The following FAM193A variants were observed in gnomAD, a reference collection of about 807,000 sequenced individuals.
The protein encoded by FAM193A is protein FAM193A.
Under a neutral mutation model 126.5 loss-of-function variants are expected in FAM193A, and 22 were observed. The ratio of observed to expected loss-of-function variants is 0.17; its 90% CI spans 0.12 to 0.25. FAM193A has a LOEUF of 0.25. Ranked by LOEUF, FAM193A falls within the 10% of genes least tolerant of loss-of-function variation. FAM193A has a pLI of 1.00. For missense variants in FAM193A, 1,675 were observed against 1,672.8 expected, an observed-to-expected ratio of 1.00 and a Z score of -0.02; for synonymous variants, 761 against 646.8, an observed-to-expected ratio of 1.18 and a Z score of -2.68.
At chr4:2,560,019 T>A (rs907079781) in intron 1 of FAM193A, among the ~76,000 whole-genome samples, 1 of 151,704 alleles carries the variant, frequency 6.6e-6, no homozygotes, top group Admixed American at 6.6e-5. Flanking sequence ...AGTGCAGTGG[T>A]GCGATCTTGG....
intron 19 of FAM193A, among the ~76,000 whole-genome samples, chr4:2,701,007 T>A (rs1717668926): frequency 6.6e-6 from 1 of 151,898 alleles, no homozygotes; most frequent in Non-Finnish European, 1.5e-5. Context: ...CCCCTCCAGT[T>A]CCCCAACTTT....
chr4:2,697,460 A>C (rs1476916289), intron 18 of FAM193A, among the ~76,000 whole-genome samples: 1 of 152,238 alleles, frequency 6.6e-6, no homozygotes, highest in Admixed American at 6.5e-5. Flanking sequence ...GTCAGGCTCC[A>C]AGAACCAGAC....
intron 1 of FAM193A, among the ~76,000 whole-genome samples, chr4:2,571,703 C>CTA (rs1293023984): frequency 1.3e-5 from 2 of 151,774 alleles, no homozygotes; most frequent in Non-Finnish European, 2.9e-5. Flanking sequence ...CCAAGCCCAG[C>CTA]TAATTTTTGT....
chr4:2,666,965 A>C (rs969284430), intron 12 of FAM193A, among the ~76,000 whole-genome samples: 6 of 152,040 alleles, frequency 3.9e-5, no homozygotes, highest in Non-Finnish European at 5.9e-5. Flanking sequence ...GAAATTGATT[A>C]TTTCTTTCTA....
intron 1 of FAM193A, among the ~76,000 whole-genome samples, chr4:2,556,559 A>C (rs2108831352): frequency 6.6e-6 from 1 of 152,290 alleles, no homozygotes; most frequent in Admixed American, 6.5e-5. Flanking sequence ...GTGTGCACCC[A>C]CAGTTCTAGC....
At chr4:2,623,454 G>A (rs1742675238) in intron 2 of FAM193A, among the ~76,000 whole-genome samples, 1 of 152,178 alleles carries the variant, frequency 6.6e-6, no homozygotes, top group Admixed American at 6.5e-5. Context: ...ACAGGCGTGA[G>A]CCACCGCGCC....
chr4:2,691,403 G>A (rs570141280), intron 15 of FAM193A, among the ~76,000 whole-genome samples: 1 of 152,270 alleles, frequency 6.6e-6, no homozygotes, highest in East Asian at 1.9e-4. Context: ...TTTTGGTAGA[G>A]ACGGGGTTTC....
intron 19 of FAM193A, among the ~76,000 whole-genome samples, chr4:2,703,239 T>C (rs1001102081): frequency 2.0e-5 from 3 of 152,140 alleles, no homozygotes; most frequent in African/African-American, 7.2e-5. Context: ...TCTAATGCTT[T>C]GGTTTTTTGT....
intron 13 of FAM193A, among the ~76,000 whole-genome samples, chr4:2,672,702 T>A (rs1307593399): frequency 2.0e-5 from 3 of 152,234 alleles, no homozygotes; most frequent in African/African-American, 4.8e-5. Flanking sequence ...ACTTGTGATC[T>A]TCCAGGGCTT....
intron 2 of FAM193A, among the ~76,000 whole-genome samples, chr4:2,597,890 C>G (rs1055357968): frequency 1.3e-5 from 2 of 152,112 alleles, no homozygotes; most frequent in Non-Finnish European, 2.9e-5. Flanking sequence ...CCGTCCTAGC[C>G]TCTGGTAACC....
Position 2,557,605 on chromosome 4 carries a change from A to G in FAM193A, c.255+20435A>G, listed in dbSNP as rs549445175. 6.6e-5 allele frequency among the ~76,000 whole-genome samples: 10 copies of G among 152,284 alleles called. No homozygotes were observed. In the South Asian group the frequency reaches 1.4e-3, roughly 22 times the overall value. The stretch of plus-strand genomic sequence containing the variant: ...AAGGATTCCTGAGAAGCTAATTAAT[A>G]TTCAGATTTATAGTATGGTAGTAAT... On this transcript the variant is annotated intron_variant, in intron 1 of 20. Transcript: ENST00000637812.
At chr4:2,719,032 A>C (rs1719835032) in intron 20 of FAM193A, among the ~76,000 whole-genome samples, 1 of 152,222 alleles carries the variant, frequency 6.6e-6, no homozygotes, top group African/African-American at 2.4e-5. Flanking sequence ...TCTACCAGTG[A>C]ATTTAAATGA....
Position 2,732,026 on chromosome 4 carries a change from C to T in FAM193A, c.*158C>T, listed in dbSNP as rs980400296. 84 of 668,694 alleles carry T rather than the reference C, an allele frequency of 1.3e-4. No individual in the cohort carries two copies. Among genetic ancestry groups the T allele is most frequent in the East Asian group, 5.0e-5 (2 of 39,904 alleles). The allele number at this position is 668,694 out of a possible 1,614,324, so 41.4% of individuals were successfully genotyped here. A position where few individuals can be genotyped will look rare whatever the true frequency, so the allele number is the denominator to read the frequency against. ...CCAGACCGAGAAGTTGATGCTCGGC[C>T]CACGCCGTTAGCTCGTGTGCGTGTA... On this transcript the variant is annotated 3_prime_UTR_variant, in exon 21 of 21. Transcript: ENST00000637812.
chr4:2,721,382 G>A (rs1720137984), intron 20 of FAM193A, among the ~76,000 whole-genome samples: 1 of 148,504 alleles, frequency 6.7e-6, no homozygotes, highest in African/African-American at 2.5e-5. Flanking sequence ...CAGCTACTCA[G>A]GAAATTGACA....
intron 1 of FAM193A, among the ~76,000 whole-genome samples, chr4:2,564,435 T>C (rs1163017054): frequency 6.6e-6 from 1 of 152,080 alleles, no homozygotes; most frequent in Admixed American, 6.6e-5. Context: ...TGTCTGGGCT[T>C]CCATGAATGA....
chr4:2,552,159 C>T (rs1398491513), intron 1 of FAM193A, among the ~76,000 whole-genome samples: 1 of 151,742 alleles, frequency 6.6e-6, no homozygotes, highest in Non-Finnish European at 1.5e-5. Context: ...CTACAGGTGC[C>T]CACCACCACG....
At chr4:2,687,695 C>T (rs140328973) in intron 13 of FAM193A, among the ~76,000 whole-genome samples, 78 of 152,334 alleles carry the variant, frequency 5.1e-4, no homozygotes, top group Non-Finnish European at 7.2e-4. Flanking sequence ...CTAACCTACT[C>T]GTCCTCCTTC....
chr4:2,603,033 A>T (rs1394529958), intron 2 of FAM193A, among the ~76,000 whole-genome samples: 1 of 120,566 alleles, frequency 8.3e-6, no homozygotes, highest in Admixed American at 1.2e-4. Context: ...CAGTGGCGCC[A>T]TCTCAGCTCA....
chr4:2,626,533 G>C lies in FAM193A; in HGVS notation c.759G>C (p.Gln253His), dbSNP rs1181073560. The change falls in exon 4 of 21, where the codon CAG becomes CAC. Residue 253 changes from glutamine (Q) to histidine (H), a missense_variant. Around this residue, in one of 4 missense-constraint regions of FAM193A, gnomAD observed 1,186 missense variants for 1,109.2 expected, o/e 1.07. Transcript: ENST00000637812. ...CCCCGCTGGCAGATGACCAGGACCAGTCTCTGGTGCCTGACAAGGAGGGAG... is the reference window on the plus strand; with the variant it reads ...CCCCGCTGGCAGATGACCAGGACCACTCTCTGGTGCCTGACAAGGAGGGAG... ...AGTPLADDQD[Q>H]SLVPDKEGVK... 4.3e-6 allele frequency: 3 copies of C among 702,104 alleles called. No homozygotes were observed. Among genetic ancestry groups the C allele is most frequent in the African/African-American group, 1.7e-5 (1 of 57,230 alleles). The allele number at this position is 702,104 out of a possible 1,614,324, so 43.5% of individuals were successfully genotyped here. A position where few individuals can be genotyped will look rare whatever the true frequency, so the allele number is the denominator to read the frequency against.
Sources: gnomAD v4.1 joint callset for allele counts (sites outside exome capture counted in the v4.1 genomes callset) on GRCh38, gnomAD v4.1.1 for gene constraint, gnomAD v4.1.1 regional missense constraint, MANE v1.5 for transcripts, NCBI Gene and HGNC (gene_info 2026-07-23, HGNC 2026-07-21) for gene names.